Variants in FSTL5 observed in about 807,000 individuals in gnomAD.
The protein encoded by FSTL5 is follistatin like 5.
Under a neutral mutation model 89.1 loss-of-function variants are expected in FSTL5, and 62 were observed. The ratio of observed to expected loss-of-function variants is 0.70; its 90% CI spans 0.57 to 0.86. The LOEUF (loss-of-function observed/expected upper bound fraction) is 0.86. Ranked by LOEUF, FSTL5 falls within the 40% of genes least tolerant of loss-of-function variation. The pLI is 0.00. For missense variants in FSTL5, 1,057 were observed against 1,001.6 expected (o/e 1.06, Z -0.75); for synonymous variants, 383 against 346.2 (o/e 1.11, Z -1.18).
At chr4:162,078,445 C>T (rs921319708) in intron 2 of FSTL5, among the ~76,000 whole-genome samples, 4 of 151,754 alleles carry the variant, frequency 2.6e-5, no homozygotes, top group African/African-American at 9.7e-5. Context: ...GAAATAATTG[C>T]TTGTAAGTTC....
chr4:161,917,149 G>A (rs774907069), intron 4 of FSTL5, among the ~76,000 whole-genome samples: 11 of 152,204 alleles, frequency 7.2e-5, no homozygotes, highest in Non-Finnish European at 1.2e-4. Context: ...GTAGAGACGG[G>A]GTTTCACCAA....
chr4:162,045,619 A>T (rs1225354258), intron 2 of FSTL5, among the ~76,000 whole-genome samples: 1 of 152,180 alleles, frequency 6.6e-6, no homozygotes. Context: ...TGACACAGTG[A>T]TATAAAATAA....
intron 4 of FSTL5, among the ~76,000 whole-genome samples, chr4:161,867,037 ATTTAGG>A (rs1318660671): frequency 2.6e-5 from 4 of 152,150 alleles, no homozygotes; most frequent in Non-Finnish European, 5.9e-5. Flanking sequence ...CTATGGAAAT[ATTTAGG>A]TTTATTGTTA....
chr4:161,951,742 C>G (rs1048223839), intron 3 of FSTL5, among the ~76,000 whole-genome samples: 6 of 152,104 alleles, frequency 3.9e-5, no homozygotes, highest in African/African-American at 1.4e-4. Flanking sequence ...AGATCTATTA[C>G]TTTTGACTAA....
intron 6 of FSTL5, among the ~76,000 whole-genome samples, chr4:161,758,794 A>G (rs1424905428): frequency 6.6e-6 from 1 of 152,230 alleles, no homozygotes; most frequent in African/African-American, 2.4e-5. Flanking sequence ...CCGGGATTAC[A>G]GGCATAAGGC....
intron 2 of FSTL5, among the ~76,000 whole-genome samples, chr4:162,091,974 T>C: frequency 9.1e-5 from 1 of 10,932 alleles, no homozygotes; most frequent in Admixed American, 1.4e-3. Context: ...CCTTATAGAA[T>C]ATATTTTCTA....
intron 6 of FSTL5, among the ~76,000 whole-genome samples, chr4:161,673,374 T>C (rs1432393823): frequency 6.6e-6 from 1 of 152,022 alleles, no homozygotes; most frequent in Non-Finnish European, 1.5e-5. Context: ...TTTGTAAATA[T>C]TTTACTATGG....
intron 5 of FSTL5, among the ~76,000 whole-genome samples, chr4:161,764,465 G>C (rs949769301): frequency 6.6e-6 from 1 of 152,030 alleles, no homozygotes; most frequent in Non-Finnish European, 1.5e-5. Context: ...TACCATGTTG[G>C]CCAGGCTGGA....
intron 1 of FSTL5, among the ~76,000 whole-genome samples, chr4:162,146,876 G>T (rs1733020338): frequency 6.6e-6 from 1 of 151,816 alleles, no homozygotes. Context: ...CCATCTCCCA[G>T]GTTTGAGTGA....
rs559503723 is a variant in FSTL5 at position 161,534,981 on chromosome 4, C to G, written c.1312+3185G>C. Among the ~76,000 whole-genome samples, 15 of 152,216 alleles carry G rather than the reference C, an allele frequency of 9.9e-5. No individual in the cohort carries two copies. The East Asian group carries it at 1.7e-3, about 18-fold the overall frequency. ...AAAAAAGCAACAGGGAAAGGACTAT[C>G]TATTCAGTAAATCATCTTGCGATAA... On this transcript the variant is annotated intron_variant, in intron 10 of 15. Transcript: ENST00000306100.
chr4:162,022,501 A>G (rs1052975252), intron 3 of FSTL5, among the ~76,000 whole-genome samples: 14 of 152,130 alleles, frequency 9.2e-5, no homozygotes, highest in African/African-American at 3.1e-4. Flanking sequence ...TGTATGGCAA[A>G]TTAGAAAGAT....
chr4:161,392,367 C>T lies in FSTL5; in HGVS notation c.1842-5918G>A, dbSNP rs112904513. Among the ~76,000 whole-genome samples the T allele has an allele frequency of 1.0e-3, 157 of 152,156 alleles. 1 individual carries two copies. Among genetic ancestry groups the T allele is most frequent in the Admixed American group, 1.9e-3 (29 of 15,270 alleles). On this transcript the variant is annotated intron_variant, in intron 15 of 15. Transcript: ENST00000306100. Reference sequence around the variant, plus strand: ...TCAAACTCCTGAGTAGCTGGGACTACAGGCATATACCACATGCCTTGCTAA... The same window carrying T: ...TCAAACTCCTGAGTAGCTGGGACTATAGGCATATACCACATGCCTTGCTAA...
chr4:161,711,730 C>T (rs1738788024), intron 6 of FSTL5, among the ~76,000 whole-genome samples: 1 of 151,990 alleles, frequency 6.6e-6, no homozygotes, highest in East Asian at 1.9e-4. Flanking sequence ...AAATCCTCAA[C>T]AAAATACAAA....
chr4:161,933,681 A>T (rs1188076398), intron 3 of FSTL5, among the ~76,000 whole-genome samples: 2 of 151,874 alleles, frequency 1.3e-5, no homozygotes, highest in African/African-American at 4.8e-5. Flanking sequence ...ACAGAAAACC[A>T]GTAATCTTTG....
intron 15 of FSTL5, among the ~76,000 whole-genome samples, chr4:161,451,913 T>C (rs988388018): frequency 6.6e-6 from 1 of 152,214 alleles, no homozygotes; most frequent in Non-Finnish European, 1.5e-5. Context: ...TATAAAAGCC[T>C]GACACGTGTC....
chr4:162,097,200 C>A (rs912178617), intron 2 of FSTL5, among the ~76,000 whole-genome samples: 23 of 151,632 alleles, frequency 1.5e-4, no homozygotes, highest in African/African-American at 5.6e-4. Context: ...TGTTTTAAAT[C>A]TTAAATTGGG....
At chr4:161,663,819 C>A (rs1658871968) in intron 6 of FSTL5, among the ~76,000 whole-genome samples, 1 of 152,222 alleles carries the variant, frequency 6.6e-6, no homozygotes, top group Non-Finnish European at 1.5e-5. Flanking sequence ...CCTGCCCCTG[C>A]AGCAAACTTA....
chr4:161,850,789 CTAGATAAAGAAAATGTGG>C (rs1458247242), intron 4 of FSTL5, among the ~76,000 whole-genome samples: 2 of 152,028 alleles, frequency 1.3e-5, no homozygotes, highest in African/African-American at 4.8e-5. Context: ...CAATGATAGA[CTAGATAAAGAAAATGTGG>C]TACATATACA....
rs17041620 is a variant in FSTL5 at position 161,820,831 on chromosome 4, T to C, written c.410-44757A>G. 3.9e-4 allele frequency among the ~76,000 whole-genome samples: 59 copies of C among 152,154 alleles called. No homozygotes were observed. In the East Asian group the frequency reaches 5.4e-3, roughly 14 times the overall value. Reference sequence around the variant, plus strand: ...GGTTTTCATATGAGCATTAAAAAGATGTCAATGATAATCTGAGCCATAAAA... The same window carrying C: ...GGTTTTCATATGAGCATTAAAAAGACGTCAATGATAATCTGAGCCATAAAA... On this transcript the variant is annotated intron_variant, in intron 4 of 15. Coordinates refer to ENST00000306100, the MANE Select transcript of FSTL5 (RefSeq NM_020116.5).
Sources: gnomAD v4.1 joint callset for allele counts (sites outside exome capture counted in the v4.1 genomes callset) on GRCh38, gnomAD v4.1.1 for gene constraint, MANE v1.5 for transcripts, NCBI Gene and HGNC (gene_info 2026-07-23, HGNC 2026-07-21) for gene names.